HLF: variants seen among roughly 807,000 people sequenced by gnomAD.
HLF encodes HLF transcription factor, PAR bZIP family member, also known as hepatic leukemia factor.
In HLF, 3 loss-of-function variants were observed where a neutral mutation model predicts 22.6. That is an observed-to-expected ratio of 0.13 (90% CI 0.06 to 0.34). The LOEUF (loss-of-function observed/expected upper bound fraction) is 0.34. Among genes scored for constraint, HLF ranks in the 10% least tolerant of loss-of-function variants. The pLI is 1.00. For synonymous variants in HLF, 151 were observed against 151.8 expected (o/e 0.99, Z 0.04); for missense variants, 299 against 389.2 (o/e 0.77, Z 1.95).
intron 2 of HLF, among the ~76,000 whole-genome samples, chr17:55,281,478 G>A (rs1295927183): frequency 1.3e-5 from 2 of 152,050 alleles, no homozygotes; most frequent in South Asian, 4.1e-4. Context: ...GTGCCATTGC[G>A]CTCCAGCCTG....
Position 55,320,574 on chromosome 17 carries a change from A to AT in HLF, c.673-89dup. The AT allele has an allele frequency of 8.4e-7, 1 of 1,190,738 alleles. No homozygotes were observed. Among genetic ancestry groups the AT allele is most frequent in the Non-Finnish European group, 1.2e-6 (1 of 832,444 alleles). The allele number at this position is 1,190,738 out of a possible 1,614,324, so 73.8% of individuals were successfully genotyped here. ...AAACCCGGGCTGGCACCTCTGCACA[A>AT]TCCTGGAGCCTGCCCGTGCCCTGGC... is the stretch of plus-strand genomic sequence containing the variant. On this transcript the variant is annotated intron_variant, in intron 3 of 3. Transcript: ENST00000226067. The surrounding 1 kb of genome is among the most constrained non-coding windows in gnomAD (Gnocchi z 4.2).
intron 2 of HLF, among the ~76,000 whole-genome samples, chr17:55,290,370 C>G (rs1450168228): frequency 6.6e-6 from 1 of 152,148 alleles, no homozygotes; most frequent in Non-Finnish European, 1.5e-5. Context: ...CACTATTTTT[C>G]CAACAGTATG....
intron 2 of HLF, among the ~76,000 whole-genome samples, chr17:55,268,467 T>C (rs1359813479): frequency 1.3e-5 from 2 of 152,190 alleles, no homozygotes; most frequent in Non-Finnish European, 2.9e-5. Context: ...GCATCTTGTA[T>C]CTCTTTTCCT....
chr17:55,310,349 A>G (rs1480690225), intron 2 of HLF, among the ~76,000 whole-genome samples: 3 of 152,256 alleles, frequency 2.0e-5, no homozygotes, highest in African/African-American at 7.2e-5. Flanking sequence ...TAACAAATAC[A>G]GGAGAAAAAA....
intron 2 of HLF, among the ~76,000 whole-genome samples, chr17:55,312,986 CTT>C (rs1904900032): frequency 6.6e-6 from 1 of 152,114 alleles, no homozygotes; most frequent in Non-Finnish European, 1.5e-5. Flanking sequence ...ACTAAGGTAT[CTT>C]TGGGGAGAAA....
chr17:55,318,542 C>A (rs1004231465), intron 3 of HLF, among the ~76,000 whole-genome samples: 2 of 152,124 alleles, frequency 1.3e-5, no homozygotes, highest in African/African-American at 2.4e-5. Context: ...TGTCTTACAC[C>A]ACATCAAGCC....
intron 2 of HLF, among the ~76,000 whole-genome samples, chr17:55,301,996 A>G (rs2081161165): frequency 6.6e-6 from 1 of 152,242 alleles, no homozygotes; most frequent in Admixed American, 6.5e-5. Flanking sequence ...GTGGTGGGCA[A>G]ACTGAGGACT....
At position 55,315,311 on chromosome 17, in the gene HLF, C is replaced by T; in HGVS notation, c.536C>T (p.Pro179Leu). The T allele has an allele frequency of 1.2e-6, 2 of 1,614,198 alleles. No individual in the cohort carries two copies. The highest frequency in any genetic ancestry group is 1.7e-6 in the Non-Finnish European group (2 of 1,180,018). The stretch of plus-strand genomic sequence containing the variant: ...GTCCCAGTGGGTTATGAGCCAGACC[C>T]AGCAGATCTTGCCCTTTCCAGCATC... Reference protein sequence around the residue: ...IQVPVGYEPDPADLALSSIPG... With the variant: ...IQVPVGYEPDLADLALSSIPG... The change falls in exon 3 of 4, where the codon CCA (proline) becomes CTA (leucine). Residue 179 changes from proline to leucine, a missense_variant. By Grantham distance (98) the Pro-to-Leu change is moderately conservative (BLOSUM62 -3). This residue lies in a region of HLF where 224 missense variants were observed against 298.1 expected (regional missense o/e 0.75). Transcript: ENST00000226067.
rs1181142284 is a variant in HLF at position 55,324,900 on chromosome 17, AT to A, written c.*4022del. On this transcript the variant is annotated 3_prime_UTR_variant, in exon 4 of 4. Transcript: ENST00000226067. ...TTACCAAACATAACAATAATCCATT[AT>A]CCTTTTGGCAACACCACAAAGATCG... 1 of 232,172 alleles carries A rather than the reference AT, an allele frequency of 4.3e-6. No individual in the cohort carries two copies. The highest frequency in any genetic ancestry group is 6.1e-5 in the East Asian group (1 of 16,434). The allele number at this position is 232,172 out of a possible 1,614,324, so 14.4% of individuals were successfully genotyped here. A position where few individuals can be genotyped will look rare whatever the true frequency, so the allele number is the denominator to read the frequency against.
chr17:55,300,942 G>A (rs1490493780), intron 2 of HLF, among the ~76,000 whole-genome samples: 2 of 152,178 alleles, frequency 1.3e-5, no homozygotes, highest in African/African-American at 2.4e-5. Context: ...CTTACCCGCC[G>A]TGAGCTCCAG....
intron 2 of HLF, among the ~76,000 whole-genome samples, chr17:55,305,925 A>C (rs1190566337): frequency 1.3e-5 from 2 of 152,190 alleles, no homozygotes; most frequent in African/African-American, 2.4e-5. Context: ...ATTATTTAGC[A>C]TATCTGAGCT....
intron 2 of HLF, among the ~76,000 whole-genome samples, chr17:55,305,252 C>G (rs1439979427): frequency 6.6e-6 from 1 of 152,198 alleles, no homozygotes; most frequent in East Asian, 1.9e-4. Context: ...GGAGCCCTGG[C>G]CTGTGGGTCA....
intron 3 of HLF, among the ~76,000 whole-genome samples, chr17:55,318,229 C>A (rs1032031402): frequency 1.3e-5 from 2 of 152,170 alleles, no homozygotes; most frequent in Non-Finnish European, 2.9e-5. Context: ...CGCTTCCCCC[C>A]TGCCCGCAAC....
rs1420515827 is a variant in HLF, at chr17:55,282,227, A to G, written c.451+14141A>G. 3.3e-5 allele frequency among the ~76,000 whole-genome samples: 5 copies of G among 152,360 alleles called. No individual in the cohort carries two copies. The East Asian group carries it at 7.7e-4, about 23-fold the overall frequency. ...ATTTAAAGGCCACGTTCTAAAATGC[A>G]CTTGTAGTTAATATCTTTGGAGTCT... On this transcript the variant is annotated intron_variant, in intron 2 of 3. Transcript: ENST00000226067.
chr17:55,300,188 G>T (rs1456155137), intron 2 of HLF, among the ~76,000 whole-genome samples: 4 of 152,146 alleles, frequency 2.6e-5, no homozygotes, highest in Non-Finnish European at 5.9e-5. Context: ...GAGGCACAGT[G>T]ACCGCTCTTG....
At chr17:55,265,989 T>G in intron 1 of HLF, 1 of 332,698 alleles carries the variant, frequency 3.0e-6, no homozygotes, top group Non-Finnish European at 4.4e-6. Flanking sequence ...TGGGGCCTGG[T>G]TCTGTGCGGG....
chr17:55,286,900 CCAAAATCT>C (rs1567816528), intron 2 of HLF, among the ~76,000 whole-genome samples: 1 of 152,136 alleles, frequency 6.6e-6, no homozygotes, highest in Non-Finnish European at 1.5e-5. Context: ...TAGAGGATGC[CCAAAATCT>C]CAGGGACTGG....
chr17:55,315,411 G>A lies in HLF; in HGVS notation c.636G>A (p.Lys212=), dbSNP rs746924145. ...AACTGAAGCCACAGCCCATGATCAAGAAAGCTCGCAAAGTCTTCATCCCTG... is the reference window on the plus strand; with the variant it reads ...AACTGAAGCCACAGCCCATGATCAAAAAAGCTCGCAAAGTCTTCATCCCTG... ...EEELKPQPMI[K]KARKVFIPDD... The change falls in exon 3 of 4, where the codon AAG becomes AAA. Residue 212 remains lysine, a synonymous_variant. Transcript: ENST00000226067. 1 of 1,614,198 alleles carries A rather than the reference G, an allele frequency of 6.2e-7. No homozygotes were observed. Among genetic ancestry groups the A allele is most frequent in the Non-Finnish European group, 8.5e-7 (1 of 1,180,024 alleles).
chr17:55,267,855 C>A lies in HLF; in HGVS notation c.220C>A (p.Leu74Ile), dbSNP rs183911087. The A allele has an allele frequency of 1.9e-6, 3 of 1,614,114 alleles. No homozygotes were observed. Among genetic ancestry groups the A allele is most frequent in the Non-Finnish European group, 2.5e-6 (3 of 1,179,986 alleles). Residue 74 changes from leucine to isoleucine, a missense_variant, in exon 2 of 4, where the codon CTT becomes ATT. This residue lies in a region of HLF where 224 missense variants were observed against 298.1 expected (regional missense o/e 0.75). Transcript: ENST00000226067. ...GGGGCCTACCTTATGGGACAAAACC[C>A]TTCCCTATGACGGAGATACTTTCCA... is the stretch of plus-strand genomic sequence containing the variant. Reference protein sequence around the residue: ...FLGPTLWDKTLPYDGDTFQLE... With the variant: ...FLGPTLWDKTIPYDGDTFQLE...
Sources: allele counts gnomAD v4.1 joint callset (sites outside exome capture counted in the v4.1 genomes callset), GRCh38; gene constraint gnomAD v4.1.1; regional missense constraint gnomAD v4.1.1; non-coding constraint Gnocchi (gnomAD v3.1); transcripts MANE v1.5; gene names NCBI Gene and HGNC (gene_info 2026-07-23, HGNC 2026-07-21).